CEP83: variants seen among roughly 807,000 people sequenced by gnomAD.
CEP83 encodes centrosomal protein 83, also known as centrosomal protein of 83 kDa.
CEP83 carries 70 observed loss-of-function variants against 101.9 expected under a neutral mutation model. The ratio of observed to expected loss-of-function variants is 0.69; its 90% CI spans 0.57 to 0.84. The LOEUF (loss-of-function observed/expected upper bound fraction) is 0.84, where lower values mean the gene tolerates loss of function less well. CEP83 is among the 40% of genes least tolerant of loss of function. The pLI is 0.00. For missense variants in CEP83, 715 were observed against 787.2 expected, an observed-to-expected ratio of 0.91 and a Z score of 1.10; for synonymous variants, 264 against 267.9, an observed-to-expected ratio of 0.99 and a Z score of 0.14.
the CEP83 span, among the ~76,000 whole-genome samples, chr12:94,292,471 T>A: frequency 1.3e-5 from 2 of 152,212 alleles, no homozygotes; most frequent in Non-Finnish European, 2.9e-5. Flanking sequence ...TTTCAAAGCT[T>A]TTATTAAAAA....
chr12:94,358,425 T>G (rs1481145689), intron 11 of CEP83, among the ~76,000 whole-genome samples: 1 of 152,058 alleles, frequency 6.6e-6, no homozygotes, highest in Non-Finnish European at 1.5e-5. Context: ...AGGGAAAAAT[T>G]TTTGATGGCA....
chr12:94,408,174 G>A (rs920953076), intron 4 of CEP83: 9 of 152,278 alleles, frequency 5.9e-5, no homozygotes, highest in Admixed American at 5.9e-4. Flanking sequence ...ACATAAGAAT[G>A]CTTTATCATA....
rs2059421351 is a variant in CEP83 at position 94,335,773 on chromosome 12, C to A, written c.1344-109G>T. The A allele has an allele frequency of 4.2e-6, 3 of 710,884 alleles. No homozygotes were observed. The South Asian group carries it at 5.2e-5, about 12-fold the overall frequency. The allele number at this position is 710,884 out of a possible 1,614,324, so 44.0% of individuals were successfully genotyped here. ...TGCCTGTTTGACACCAGAGCACAAA[C>A]ACAACCAAAGATTGAGACTTCAAGA... On this transcript the variant is annotated intron_variant, in intron 11 of 16. Coordinates refer to ENST00000397809, the MANE Select transcript of CEP83 (RefSeq NM_016122.3).
chr12:94,304,164 G>A, downstream of CEP83: 1 of 679,304 alleles, frequency 1.5e-6, no homozygotes, highest in Non-Finnish European at 2.5e-6. Context: ...AGAAAGGGAA[G>A]CCAGGAAGCC....
intron 2 of CEP83, among the ~76,000 whole-genome samples, chr12:94,434,842 C>T (rs1454268156): frequency 6.6e-6 from 1 of 152,136 alleles, no homozygotes; most frequent in Non-Finnish European, 1.5e-5. Flanking sequence ...TGTTGTATGC[C>T]TGCATTTTGA....
chr12:94,367,950 C>G lies in CEP83; in HGVS notation c.1194-7G>C, dbSNP rs763040256. The G allele has an allele frequency of 9.3e-6, 15 of 1,611,248 alleles. No homozygotes were observed. The highest frequency in any genetic ancestry group is 1.3e-5 in the Non-Finnish European group (15 of 1,178,726). On this transcript the variant is annotated splice_region_variant and splice_polypyrimidine_tract_variant and intron_variant, in intron 10 of 16. Coordinates refer to ENST00000397809, the MANE Select transcript of CEP83 (RefSeq NM_016122.3). Reference sequence around the variant, plus strand: ...TCTGTTCTCGAGTTCTAACCTAAAACAAGAGATCATAATTATGTTACAAGA... The same window carrying G: ...TCTGTTCTCGAGTTCTAACCTAAAAGAAGAGATCATAATTATGTTACAAGA...
chr12:94,348,273 C>T (rs374863224), intron 11 of CEP83, among the ~76,000 whole-genome samples: 267 of 152,006 alleles, frequency 1.8e-3, no homozygotes, highest in African/African-American at 5.7e-3. Context: ...AGTGGCCAGC[C>T]GTCAGAAGTT....
intron 11 of CEP83, among the ~76,000 whole-genome samples, chr12:94,343,674 T>C (rs2059805112): frequency 1.3e-5 from 2 of 150,030 alleles, no homozygotes; most frequent in South Asian, 2.1e-4. Flanking sequence ...TATTTTTTTT[T>C]AGTAGAGACG....
intron 11 of CEP83, among the ~76,000 whole-genome samples, chr12:94,346,504 G>A (rs1379515783): frequency 3.3e-5 from 5 of 151,214 alleles, no homozygotes; most frequent in African/African-American, 1.2e-4. Context: ...GTTTCCTTAA[G>A]CTTGTGAACC....
At chr12:94,428,207 G>A (rs1054696614) in intron 2 of CEP83, among the ~76,000 whole-genome samples, 3 of 152,166 alleles carry the variant, frequency 2.0e-5, no homozygotes, top group South Asian at 2.1e-4. Flanking sequence ...AATTACCAAA[G>A]TCTCTGAAAG....
chr12:94,450,202 AAAAG>A (rs2067145521), intron 1 of CEP83, among the ~76,000 whole-genome samples: 2 of 152,366 alleles, frequency 1.3e-5, no homozygotes, highest in Non-Finnish European at 2.9e-5. Context: ...ATTGGAAAGA[AAAAG>A]TATCGTTTTG....
intron 1 of CEP83, among the ~76,000 whole-genome samples, chr12:94,445,807 T>C (rs1251375533): frequency 8.5e-5 from 13 of 152,134 alleles, no homozygotes; most frequent in Non-Finnish European, 2.9e-5. Flanking sequence ...ATTGTCCCAG[T>C]AGGAATGAGT....
At chr12:94,281,054 G>A in the CEP83 span, among the ~76,000 whole-genome samples, 12 of 152,324 alleles carry the variant, frequency 7.9e-5, 1 homozygote, top group Admixed American at 4.6e-4. Flanking sequence ...CAAGGCTGGT[G>A]GATCACCTGA....
At chr12:94,434,895 G>A (rs1026471500) in intron 2 of CEP83, among the ~76,000 whole-genome samples, 3 of 152,044 alleles carry the variant, frequency 2.0e-5, no homozygotes, top group Admixed American at 6.6e-5. Flanking sequence ...TTTTCCACAC[G>A]GTGTCATGTT....
chr12:94,443,165 C>T (rs965135917), intron 1 of CEP83, among the ~76,000 whole-genome samples: 2 of 152,126 alleles, frequency 1.3e-5, no homozygotes, highest in Admixed American at 1.3e-4. Flanking sequence ...TTTTGCTGCC[C>T]CACAGGACCC....
intron 11 of CEP83, chr12:94,361,227 A>T (rs764782737): frequency 2.0e-5 from 3 of 152,222 alleles, no homozygotes; most frequent in Non-Finnish European, 4.4e-5. Flanking sequence ...CAAGTTGGGC[A>T]TGGTGGCACG....
At chr12:94,411,090 G>A (rs1296991141) in intron 4 of CEP83, among the ~76,000 whole-genome samples, 1 of 152,128 alleles carries the variant, frequency 6.6e-6, no homozygotes, top group African/African-American at 2.4e-5. Context: ...TTATTCGTGA[G>A]AACCTACTAA....
intron 7 of CEP83, among the ~76,000 whole-genome samples, chr12:94,378,372 G>C (rs1286722659): frequency 6.6e-6 from 1 of 152,140 alleles, no homozygotes; most frequent in Non-Finnish European, 1.5e-5. Context: ...AGATACATCA[G>C]TATGGTATTT....
the CEP83 span, among the ~76,000 whole-genome samples, chr12:94,270,504 C>T: frequency 6.6e-6 from 1 of 152,188 alleles, no homozygotes; most frequent in African/African-American, 2.4e-5. Flanking sequence ...TCTTTCCTCC[C>T]CTTCTGGGAC....
Sources: gnomAD v4.1 joint callset for allele counts (sites outside exome capture counted in the v4.1 genomes callset) on GRCh38, gnomAD v4.1.1 for gene constraint, MANE v1.5 for transcripts, NCBI Gene and HGNC (gene_info 2026-07-23, HGNC 2026-07-21) for gene names.